Variants in REST observed in about 807,000 individuals in gnomAD.
REST encodes the protein RE1-silencing transcription factor.
REST carries 1 observed loss-of-function variant against 30.4 expected under a neutral mutation model. The observed-to-expected ratio is 0.03, with a 90% CI of 0.01 to 0.16. REST has a LOEUF of 0.16. REST is among the 10% of genes least tolerant of loss of function. The pLI, the probability that REST is intolerant of heterozygous loss-of-function variation, is 1.00. For synonymous variants in REST, 504 were observed against 451.1 expected, an observed-to-expected ratio of 1.12 and a Z score of -1.49; for missense variants, 1,259 against 1,329.5, an observed-to-expected ratio of 0.95 and a Z score of 0.82.
In REST at chr4:56,919,235, A is replaced by G. The variant is rs564097919; in HGVS notation, c.899-552A>G. Among the ~76,000 whole-genome samples, 32 of 151,404 alleles carry G rather than the reference A, an allele frequency of 2.1e-4. No individual in the cohort carries two copies. The South Asian group carries it at 6.7e-3, about 32-fold the overall frequency. On this transcript the variant is annotated intron_variant, in intron 2 of 3. Transcript: ENST00000309042. ...CTAGTTTTTAAAATAAAATTTTAGAAATGAGGTATTGCTGTGTTGCCCAGG... is the reference window on the plus strand; with the variant it reads ...CTAGTTTTTAAAATAAAATTTTAGAGATGAGGTATTGCTGTGTTGCCCAGG...
At chr4:56,916,248 T>C (rs1171434786) in intron 2 of REST, among the ~76,000 whole-genome samples, 2 of 152,264 alleles carry the variant, frequency 1.3e-5, no homozygotes, top group Non-Finnish European at 2.9e-5. Context: ...CAAAATCTAC[T>C]TTTAAAGAAA....
At position 56,932,293 on chromosome 4, in the gene REST, C is replaced by A. The variant is rs557258216; in HGVS notation, c.*141C>A. On this transcript the variant is annotated 3_prime_UTR_variant, in exon 4 of 4. Transcript: ENST00000309042. ...TTAAGTGGCATTCTTTTCCTTAGGA[C>A]TTTTTATGTATACCTGTTGATTGTT... 161 of 877,946 alleles carry A rather than the reference C, an allele frequency of 1.8e-4. 2 individuals are homozygous for A. The South Asian group carries it at 2.8e-3, about 15-fold the overall frequency. 54.4% of individuals were successfully genotyped at this position (877,946 alleles called of 1,614,324 possible). A position where few individuals can be genotyped will look rare whatever the true frequency, so the allele number is the denominator to read the frequency against.
At chr4:56,926,375 TTTTA>T (rs1268506442) in intron 3 of REST, among the ~76,000 whole-genome samples, 1 of 147,936 alleles carries the variant, frequency 6.8e-6, no homozygotes, top group East Asian at 2.1e-4. Context: ...GCCCAGCCTT[TTTTA>T]TTTATTTATT....
intron 3 of REST, among the ~76,000 whole-genome samples, chr4:56,927,099 GA>G (rs11378040): frequency 0.12 from 18,133 of 145,522 alleles, 1,668 homozygotes; most frequent in African/African-American, 0.26. Context: ...TCCATCTCAA[GA>G]AAAAAAAAAA....
At position 56,911,322 on chromosome 4, in the gene REST, T is replaced by C. The variant is rs1043619158; in HGVS notation, c.684T>C (p.Tyr228=). 2 of 1,614,020 alleles carry C rather than the reference T, an allele frequency of 1.2e-6. No individual in the cohort carries two copies. Among genetic ancestry groups the C allele is most frequent in the African/African-American group, 1.3e-5 (1 of 74,900 alleles). The change falls in exon 2 of 4, where the codon TAT becomes TAC. Residue 228 remains tyrosine, a synonymous_variant. Transcript: ENST00000309042. ...CDRCGYNTNR[Y]DHYTAHLKHH... ...GCTGCGGCTACAATACTAATCGATA[T>C]GATCACTATACAGCACACCTGAAAC... is the stretch of plus-strand genomic sequence containing the variant.
intron 3 of REST, among the ~76,000 whole-genome samples, chr4:56,921,345 A>G (rs1219046748): frequency 2.0e-5 from 3 of 152,190 alleles, no homozygotes; most frequent in Non-Finnish European, 4.4e-5. Context: ...CTTTCGAAAC[A>G]TTAGTAGTTT....
chr4:56,931,524 A>G lies in REST; in HGVS notation c.2666A>G (p.Asn889Ser), dbSNP rs1720970780. The G allele has an allele frequency of 6.2e-7, 1 of 1,614,106 alleles. No homozygotes were observed. The highest frequency in any genetic ancestry group is 1.3e-5 in the African/African-American group (1 of 74,946). Reference protein sequence around the residue: ...DQKLLNTGEGNKEAPLQKVGA... With the variant: ...DQKLLNTGEGSKEAPLQKVGA... ...AAATTACTCAACACAGGTGAAGGAA[A>G]TAAAGAAGCCCCTCTTCAGAAAGTA... The change falls in exon 4 of 4, where the codon AAT becomes AGT. Residue 889 changes from asparagine to serine, a missense_variant. Physicochemically the swap from Asn to Ser is conservative, Grantham distance 46. Around this residue, in one of 5 missense-constraint regions of REST, gnomAD observed 856 missense variants for 772.8 expected, o/e 1.11. Transcript: ENST00000309042.
At chr4:56,929,813 TTC>T (rs1356393012) in intron 3 of REST, 26 bp from the exon 4 acceptor site, 1 of 1,564,990 alleles carries the variant, frequency 6.4e-7, no homozygotes. Context: ...AATCTATGTC[TTC>T]TCTCATACTT....
Position 56,930,718 on chromosome 4 carries a change from G to A in REST, c.1860G>A (p.Ala620=), listed in dbSNP as rs376567179. The change falls in exon 4 of 4, where the codon GCG becomes GCA. Residue 620 remains alanine (A), a synonymous_variant. Transcript: ENST00000309042. ...AGATGGGGCCTGCTCCCACAGAGGC[G>A]GTTCAGAAGGGGCCCGTTCAGGTGG... ...PPQMGPAPTE[A]VQKGPVQVEP... is the part of the protein sequence containing the mutation. 8.7e-6 allele frequency: 14 copies of A among 1,601,282 alleles called. No individual in the cohort carries two copies. Among genetic ancestry groups the A allele is most frequent in the Admixed American group, 1.8e-5 (1 of 56,172 alleles).
Position 56,929,514 on chromosome 4 carries a change from A to G in REST, c.983-327A>G, listed in dbSNP as rs190584305. On this transcript the variant is annotated intron_variant, in intron 3 of 3. Transcript: ENST00000309042. ...AACACACAAAAAAATTTTTAAGTTG[A>G]TAATATTCCTCCAAATTAACATCCA... Among the ~76,000 whole-genome samples, 21 of 152,296 alleles carry G rather than the reference A, an allele frequency of 1.4e-4. No individual in the cohort carries two copies. In the East Asian group the frequency reaches 3.7e-3, roughly 27 times the overall value.
chr4:56,910,623 A>C lies in REST; in HGVS notation c.-9-7A>C, dbSNP rs764946784. On this transcript the variant is annotated splice_region_variant and splice_polypyrimidine_tract_variant and intron_variant, in intron 1 of 3. Coordinates refer to ENST00000309042, the MANE Select transcript of REST (RefSeq NM_005612.5). ...GGTGCTCTTGTTTTGTTTTGTTTTTAATTCAGAATACAGTTATGGCCACCC... is the reference window on the plus strand; with the variant it reads ...GGTGCTCTTGTTTTGTTTTGTTTTTCATTCAGAATACAGTTATGGCCACCC... 1 of 1,580,154 alleles carries C rather than the reference A, an allele frequency of 6.3e-7. No homozygotes were observed. The highest frequency in any genetic ancestry group is 2.3e-5 in the East Asian group (1 of 44,356).
At chr4:56,921,426 T>C (rs1218415302) in intron 3 of REST, among the ~76,000 whole-genome samples, 1 of 152,140 alleles carries the variant, frequency 6.6e-6, no homozygotes, top group African/African-American at 2.4e-5. Context: ...TTTTTTCTGT[T>C]GAGACAGAGT....
At chr4:56,911,759 CAG>C (rs1290395140) in intron 2 of REST, among the ~76,000 whole-genome samples, 1 of 152,176 alleles carries the variant, frequency 6.6e-6, no homozygotes, top group East Asian at 1.9e-4. Context: ...ATGTAAAGCA[CAG>C]AGGAACAGCC....
At chr4:56,920,906 T>C (rs1023786460) in intron 3 of REST, among the ~76,000 whole-genome samples, 3 of 152,154 alleles carry the variant, frequency 2.0e-5, no homozygotes, top group Admixed American at 6.6e-5. Flanking sequence ...TGCTCTGTCG[T>C]CTAGGCTGGA....
In REST at chr4:56,930,961, G is replaced by A. The variant is rs111760333; in HGVS notation, c.2103G>A (p.Met701Ile). The change falls in exon 4 of 4, where the codon ATG becomes ATA. Residue 701 changes from methionine to isoleucine, a missense_variant. By Grantham distance (10) the Met-to-Ile change is conservative (BLOSUM62 1). This residue lies in a region of REST where 856 missense variants were observed against 772.8 expected (regional missense o/e 1.11). Coordinates refer to ENST00000309042, the MANE Select transcript of REST (RefSeq NM_005612.5). ...CTGCTCAGACGGAGGTTGCCCAAAT[G>A]GGGCCTGCTCCCATGGAACCTGCTC... The part of the protein sequence containing the change: ...METAQTEVAQ[M>I]GPAPMEPAQM... 9.4e-4 allele frequency: 1,517 copies of A among 1,613,958 alleles called. 13 individuals carry two copies. The African/African-American group carries it at 0.018, about 19-fold the overall frequency.
rs758778395 is a variant in REST, at chr4:56,933,086, A to T, written c.*934A>T. On this transcript the variant is annotated 3_prime_UTR_variant, in exon 4 of 4. Coordinates refer to ENST00000309042, the MANE Select transcript of REST (RefSeq NM_005612.5). ...ATCTATGCCAGAATCTGTATTTCAT[A>T]TAACTTATTTATTTCGAATGGATGT... 6.6e-6 allele frequency: 1 copy of T among 152,230 alleles called. No individual in the cohort carries two copies. Among genetic ancestry groups the T allele is most frequent in the African/African-American group, 2.4e-5 (1 of 41,454 alleles). The allele number at this position is 152,230 out of a possible 1,614,324, so 9.4% of individuals were successfully genotyped here.
Position 56,930,509 on chromosome 4 carries a change from TC to T in REST, c.1653del (p.Asn553IlefsTer23). On this transcript the variant is annotated frameshift_variant, in exon 4 of 4. Transcript: ENST00000309042. LOFTEE classifies it low-confidence loss of function (END_TRUNC). Reference protein sequence around the residue: ...TKKKKKVESKSKNNSQEVPKG... With the variant: ...TKKKKKVESKXKNNSQEVPKG... ...AAAGAAAAAGAAGGTAGAAAGCAAA[TC>T]CAAAAATAATAGTCAGGAAGTGCCA... is the stretch of plus-strand genomic sequence containing the variant. 1 of 1,609,726 alleles carries T rather than the reference TC, an allele frequency of 6.2e-7. No individual in the cohort carries two copies.
At chr4:56,920,684 C>T (rs1391664576) in intron 3 of REST, among the ~76,000 whole-genome samples, 1 of 151,816 alleles carries the variant, frequency 6.6e-6, no homozygotes. Context: ...ATTGCTTGAA[C>T]TTTAGGAGGC....
chr4:56,912,925 G>A (rs1432507957), intron 2 of REST, among the ~76,000 whole-genome samples: 2 of 151,006 alleles, frequency 1.3e-5, no homozygotes, highest in Non-Finnish European at 1.5e-5. Context: ...GGATTATAGG[G>A]GTGGGCTACC....
Sources: gnomAD v4.1 joint callset for allele counts (sites outside exome capture counted in the v4.1 genomes callset) on GRCh38, gnomAD v4.1.1 for gene constraint, gnomAD v4.1.1 regional missense constraint, MANE v1.5 for transcripts, NCBI Gene and HGNC (gene_info 2026-07-23, HGNC 2026-07-21) for gene names.